Variants in ARHGEF7 observed in about 807,000 individuals in gnomAD.
ARHGEF7 encodes the protein Rho guanine nucleotide exchange factor 7, also known as PAK-interacting exchange factor beta.
ARHGEF7 carries 33 observed loss-of-function variants against 109.8 expected under a neutral mutation model. That is an observed-to-expected ratio of 0.30 (90% CI 0.23 to 0.40). ARHGEF7 has a LOEUF of 0.40. ARHGEF7 is among the 10% of genes least tolerant of loss of function. ARHGEF7 has a pLI of 1.00. For missense variants in ARHGEF7, 938 were observed against 1,098.5 expected (o/e 0.85, Z 2.07); for synonymous variants, 458 against 424.6 (o/e 1.08, Z -0.97).
At chr13:111,150,109 G>T (rs1176130036) in intron 1 of ARHGEF7, among the ~76,000 whole-genome samples, 1 of 152,160 alleles carries the variant, frequency 6.6e-6, no homozygotes. Flanking sequence ...TGATGGTGTT[G>T]GCAACTGTCT....
chr13:111,138,838 A>G (rs975339897), intron 1 of ARHGEF7, among the ~76,000 whole-genome samples: 2 of 152,136 alleles, frequency 1.3e-5, no homozygotes, highest in African/African-American at 4.8e-5. Context: ...TCATGTAGAG[A>G]AAGAGCTGGG....
In ARHGEF7 at chr13:111,202,301, G is replaced by A. The variant is rs569430185; in HGVS notation, c.253-2988G>A. 2.6e-5 allele frequency among the ~76,000 whole-genome samples: 4 copies of A among 152,340 alleles called. No homozygotes were observed. The South Asian group carries it at 8.3e-4, about 32-fold the overall frequency. Reference sequence around the variant, plus strand: ...AATGACCTTCCTTACCTCACCAGGAGCGCTTCTCACGCTTGGCTGTGTGTT... The same window carrying A: ...AATGACCTTCCTTACCTCACCAGGAACGCTTCTCACGCTTGGCTGTGTGTT... On this transcript the variant is annotated intron_variant, in intron 2 of 21. Coordinates refer to ENST00000646102, the MANE Select transcript of ARHGEF7 (RefSeq NM_001354046.2).
intron 2 of ARHGEF7, among the ~76,000 whole-genome samples, chr13:111,200,330 T>C (rs866308217): frequency 1.5e-4 from 22 of 151,112 alleles, no homozygotes; most frequent in African/African-American, 5.1e-4. Context: ...CCTTAACTCA[T>C]TTTTTTTTCT....
intron 1 of ARHGEF7, chr13:111,153,566 G>T: frequency 2.0e-6 from 2 of 1,023,212 alleles, no homozygotes; most frequent in African/African-American, 1.7e-5. Flanking sequence ...AAGCAGGGTG[G>T]GCTGCGTCCG....
In ARHGEF7 at chr13:111,119,303, G is replaced by T. The variant is rs577960798; in HGVS notation, c.165+3612G>T. Among the ~76,000 whole-genome samples the T allele has an allele frequency of 8.5e-5, 13 of 152,334 alleles. No individual in the cohort carries two copies. In the South Asian group the frequency reaches 2.3e-3, roughly 27 times the overall value. On this transcript the variant is annotated intron_variant, in intron 1 of 21. Transcript: ENST00000646102. ...TAAGGCCCCATCCTGAGATACTGGG[G>T]GTTAGGACTTCAAAATACGAATGCT...
At chr13:111,231,009 TTAAAA>T (rs1302497678) in intron 5 of ARHGEF7, among the ~76,000 whole-genome samples, 3 of 152,212 alleles carry the variant, frequency 2.0e-5, no homozygotes, top group African/African-American at 7.2e-5. Flanking sequence ...TGTCTTAAGT[TTAAAA>T]TAACACAGCT....
intron 2 of ARHGEF7, among the ~76,000 whole-genome samples, chr13:111,162,963 AG>A (rs2076859599): frequency 6.6e-6 from 1 of 152,230 alleles, no homozygotes; most frequent in African/African-American, 2.4e-5. Context: ...CAGACAGATG[AG>A]GAGGTAAACT....
Position 111,115,613 on chromosome 13 carries a change from C to A in ARHGEF7, c.87C>A (p.Gly29=). The A allele has an allele frequency of 7.1e-7, 1 of 1,413,312 alleles. No homozygotes were observed. Among genetic ancestry groups the A allele is most frequent in the Non-Finnish European group, 9.4e-7 (1 of 1,067,640 alleles). The allele number at this position is 1,413,312 out of a possible 1,614,324, so 87.5% of individuals were successfully genotyped here. A position where few individuals can be genotyped will look rare whatever the true frequency, so the allele number is the denominator to read the frequency against. The change falls in exon 1 of 22, where the codon GGC becomes GGA. Residue 29 remains glycine (G), a synonymous_variant. Transcript: ENST00000646102. ...AAAAAACCATCTCGGACCCGGAGGG[C>A]TTTCTGCAGGCGTCGCTGAAGGATG... The part of the protein sequence containing the change: ...SPKKTISDPE[G]FLQASLKDGV...
chr13:111,171,959 A>C (rs1323231213), intron 2 of ARHGEF7, among the ~76,000 whole-genome samples: 6 of 152,202 alleles, frequency 3.9e-5, no homozygotes, highest in Admixed American at 3.9e-4. Flanking sequence ...GAATCAGTCC[A>C]TGCCTTGATC....
rs146715616 is a variant in ARHGEF7, at chr13:111,209,997, A to T, written c.463A>T (p.Ser155Cys). Residue 155 changes from serine (S) to cysteine (C), a missense_variant, in exon 4 of 22, where the codon AGT (serine) becomes TGT (cysteine). Around this residue, in one of 4 missense-constraint regions of ARHGEF7, gnomAD observed 585 missense variants for 723.6 expected, o/e 0.81. Coordinates refer to ENST00000646102, the MANE Select transcript of ARHGEF7 (RefSeq NM_001354046.2). ...TSKLFQGQYR[S>C]LDMTDNSNNQ... ...AAAACTGTTCCAGGGCCAGTATCGGAGTTTGGTAAGTTTGAGAGATTTTGT... is the reference window on the plus strand; with the variant it reads ...AAAACTGTTCCAGGGCCAGTATCGGTGTTTGGTAAGTTTGAGAGATTTTGT... 3,573 of 1,614,080 alleles carry T rather than the reference A, an allele frequency of 2.2e-3. 5 individuals are homozygous for T. Among genetic ancestry groups the T allele is most frequent in the Non-Finnish European group, 2.8e-3 (3,352 of 1,180,020 alleles).
intron 2 of ARHGEF7, among the ~76,000 whole-genome samples, chr13:111,197,915 A>G (rs2080736071): frequency 1.3e-5 from 2 of 152,118 alleles, no homozygotes; most frequent in South Asian, 4.1e-4. Context: ...AGGCATTAGG[A>G]CCCAGGAGGC....
intron 13 of ARHGEF7, 30 bp from the exon 14 acceptor site, chr13:111,280,239 GTTT>G: frequency 8.4e-7 from 1 of 1,196,966 alleles, no homozygotes; most frequent in Non-Finnish European, 1.2e-6. Context: ...AGCACTAATT[GTTT>G]TTTTTTTTGT....
chr13:111,281,906 T>C (rs181350968), intron 15 of ARHGEF7, among the ~76,000 whole-genome samples: 23 of 152,368 alleles, frequency 1.5e-4, no homozygotes, highest in Admixed American at 1.4e-3. Flanking sequence ...TATTCTGTGA[T>C]CCAACTCTGA....
At chr13:111,234,104 A>G (rs1300174645) in intron 6 of ARHGEF7, among the ~76,000 whole-genome samples, 1 of 152,070 alleles carries the variant, frequency 6.6e-6, no homozygotes, top group Non-Finnish European at 1.5e-5. Context: ...CCTACTCCCA[A>G]TCTTCATTTT....
intron 2 of ARHGEF7, among the ~76,000 whole-genome samples, chr13:111,191,055 C>T (rs1044917997): frequency 6.6e-6 from 1 of 152,026 alleles, no homozygotes; most frequent in South Asian, 2.1e-4. Flanking sequence ...AAAGCATTCA[C>T]TAGTGGTGGG....
intron 2 of ARHGEF7, among the ~76,000 whole-genome samples, chr13:111,184,421 G>A (rs897107830): frequency 1.3e-5 from 2 of 152,160 alleles, no homozygotes; most frequent in Non-Finnish European, 1.5e-5. Flanking sequence ...GGTCTTTCTT[G>A]AGGCTTTTCT....
chr13:111,273,937 C>T lies in ARHGEF7; in HGVS notation c.1197C>T (p.Leu399=), dbSNP rs746226825. 6 of 1,613,970 alleles carry T rather than the reference C, an allele frequency of 3.7e-6. No homozygotes were observed. The highest frequency in any genetic ancestry group is 1.3e-5 in the African/African-American group (1 of 74,898). ...AATACCCTACGCTGCTCAAAGAGCT[C>T]GAGAGACACATGGAGGTACTGCGCT... is the stretch of plus-strand genomic sequence containing the variant. ...LDKYPTLLKE[L]ERHMEDYHTD... The change falls in exon 10 of 22, where the codon CTC becomes CTT. Residue 399 remains leucine, a synonymous_variant. Transcript: ENST00000646102. The surrounding 1 kb of genome is among the most constrained non-coding windows in gnomAD (Gnocchi z 4.5).
At chr13:111,225,224 C>A (rs1407801456) in intron 5 of ARHGEF7, among the ~76,000 whole-genome samples, 1 of 152,140 alleles carries the variant, frequency 6.6e-6, no homozygotes, top group East Asian at 1.9e-4. Context: ...GTTAGTCTTC[C>A]AGTATTAGAG....
intron 2 of ARHGEF7, among the ~76,000 whole-genome samples, chr13:111,191,353 A>G (rs1236788620): frequency 6.6e-6 from 1 of 152,216 alleles, no homozygotes; most frequent in South Asian, 2.1e-4. Context: ...TGGTATTCAT[A>G]GTAACAGGGC....
Sources: allele counts gnomAD v4.1 joint callset (sites outside exome capture counted in the v4.1 genomes callset), GRCh38; gene constraint gnomAD v4.1.1; regional missense constraint gnomAD v4.1.1; non-coding constraint Gnocchi (gnomAD v3.1); transcripts MANE v1.5; gene names NCBI Gene and HGNC (gene_info 2026-07-23, HGNC 2026-07-21).